Variants in ZBTB7C observed in about 807,000 individuals in gnomAD.
ZBTB7C encodes the protein zinc finger and BTB domain containing 7C, also known as zinc finger and BTB domain-containing protein 7C.
ZBTB7C carries 8 observed loss-of-function variants against 25.7 expected under a neutral mutation model. That is an observed-to-expected ratio of 0.31 (90% CI 0.18 to 0.56). The LOEUF (loss-of-function observed/expected upper bound fraction) is 0.56. ZBTB7C is among the 20% of genes least tolerant of loss of function. ZBTB7C has a pLI of 0.91. For synonymous variants in ZBTB7C, 394 were observed against 369.0 expected, an observed-to-expected ratio of 1.07 and a Z score of -0.78; for missense variants, 824 against 855.2, an observed-to-expected ratio of 0.96 and a Z score of 0.46.
intron 3 of ZBTB7C, among the ~76,000 whole-genome samples, chr18:48,059,611 C>T (rs567583773): frequency 3.1e-4 from 47 of 152,330 alleles, no homozygotes; most frequent in Non-Finnish European, 6.5e-4. Context: ...TCTTACTACA[C>T]TGACTGCTAC....
intron 3 of ZBTB7C, among the ~76,000 whole-genome samples, chr18:48,159,623 G>A (rs2040940170): frequency 6.6e-6 from 1 of 152,184 alleles, no homozygotes; most frequent in Non-Finnish European, 1.5e-5. Context: ...TCAAATCAGT[G>A]AGGTTCCTGA....
chr18:48,249,500 A>T (rs868257535), intron 2 of ZBTB7C, among the ~76,000 whole-genome samples: 2 of 152,256 alleles, frequency 1.3e-5, no homozygotes, highest in South Asian at 4.1e-4. Flanking sequence ...GGCAGAATAC[A>T]AAATAGTAGG....
chr18:48,066,703 A>G (rs2037342378), intron 3 of ZBTB7C, among the ~76,000 whole-genome samples: 3 of 152,202 alleles, frequency 2.0e-5, no homozygotes, highest in Non-Finnish European at 1.5e-5. Flanking sequence ...AATGCTGGGC[A>G]TGTTCACAAG....
At chr18:48,319,180 G>A (rs1413047328) in intron 2 of ZBTB7C, among the ~76,000 whole-genome samples, 1 of 151,164 alleles carries the variant, frequency 6.6e-6, no homozygotes, top group Non-Finnish European at 1.5e-5. Context: ...GCTTCCTCTG[G>A]GGCTGGTGGT....
intron 1 of ZBTB7C, among the ~76,000 whole-genome samples, chr18:48,358,285 G>A (rs1366784462): frequency 6.6e-6 from 1 of 152,182 alleles, no homozygotes; most frequent in Non-Finnish European, 1.5e-5. Flanking sequence ...CTGGGAGGTG[G>A]AGGTTGCAAT....
intron 2 of ZBTB7C, among the ~76,000 whole-genome samples, chr18:48,276,423 T>C (rs1313466570): frequency 2.0e-5 from 3 of 146,450 alleles, no homozygotes; most frequent in Non-Finnish European, 4.5e-5. Context: ...TAGCATTAGG[T>C]ATATCTCCCA....
chr18:48,113,291 C>G (rs1053706292), intron 3 of ZBTB7C, among the ~76,000 whole-genome samples: 1 of 152,212 alleles, frequency 6.6e-6, no homozygotes, highest in African/African-American at 2.4e-5. Context: ...CCTGGTCTGT[C>G]TTTCTTGTAT....
chr18:48,242,781 A>G (rs1035997832), intron 2 of ZBTB7C, among the ~76,000 whole-genome samples: 1 of 152,168 alleles, frequency 6.6e-6, no homozygotes, highest in Non-Finnish European at 1.5e-5. Context: ...TTCCCTGAGA[A>G]CTGGAACAAG....
intron 2 of ZBTB7C, among the ~76,000 whole-genome samples, chr18:48,301,212 G>C (rs1269045150): frequency 2.0e-5 from 3 of 152,302 alleles, no homozygotes; most frequent in Non-Finnish European, 2.9e-5. Flanking sequence ...GAGTAAAAAG[G>C]CATGGTCTGT....
chr18:48,196,541 G>A (rs2042322712), intron 2 of ZBTB7C, among the ~76,000 whole-genome samples: 1 of 152,130 alleles, frequency 6.6e-6, no homozygotes, highest in African/African-American at 2.4e-5. Flanking sequence ...CCACCCTCCT[G>A]AGGCTAGGTT....
intron 2 of ZBTB7C, among the ~76,000 whole-genome samples, chr18:48,336,297 TCCCAG>T (rs2046456204): frequency 6.6e-6 from 1 of 152,214 alleles, no homozygotes; most frequent in South Asian, 2.1e-4. Flanking sequence ...AAGGCACTTC[TCCCAG>T]CCTTCCTGGC....
chr18:48,279,450 T>G (rs2044766597), intron 2 of ZBTB7C, among the ~76,000 whole-genome samples: 1 of 152,186 alleles, frequency 6.6e-6, no homozygotes, highest in Admixed American at 6.5e-5. Context: ...GCAGATCCAG[T>G]AAGATGTGGC....
At chr18:48,066,010 A>G (rs1346776855) in intron 3 of ZBTB7C, among the ~76,000 whole-genome samples, 1 of 152,104 alleles carries the variant, frequency 6.6e-6, no homozygotes, top group Admixed American at 6.5e-5. Flanking sequence ...TAGGCAATGC[A>G]TGGAAGCTTC....
chr18:48,240,252 A>G (rs2043488391), intron 2 of ZBTB7C, among the ~76,000 whole-genome samples: 1 of 152,130 alleles, frequency 6.6e-6, no homozygotes, highest in African/African-American at 2.4e-5. Context: ...TTCCTGAGGA[A>G]GAAGAGAAAT....
At chr18:48,276,669 A>G (rs1433779091) in intron 2 of ZBTB7C, among the ~76,000 whole-genome samples, 1 of 74,504 alleles carries the variant, frequency 1.3e-5, no homozygotes, top group Non-Finnish European at 2.7e-5. Context: ...CATGGTGTAT[A>G]TGTGCCACAT....
At chr18:48,213,871 G>C (rs1227008746) in intron 2 of ZBTB7C, among the ~76,000 whole-genome samples, 1 of 152,208 alleles carries the variant, frequency 6.6e-6, no homozygotes, top group Non-Finnish European at 1.5e-5. Context: ...ATGTGAGGTG[G>C]TTCCATGGAG....
chr18:48,196,962 C>A (rs1436872228), intron 2 of ZBTB7C, among the ~76,000 whole-genome samples: 1 of 152,342 alleles, frequency 6.6e-6, no homozygotes, highest in Middle Eastern at 3.4e-3. Flanking sequence ...ACCTGGCCCC[C>A]ACAACCAATG....
chr18:48,332,768 G>C (rs892500082), intron 2 of ZBTB7C, among the ~76,000 whole-genome samples: 12 of 144,824 alleles, frequency 8.3e-5, no homozygotes, highest in African/African-American at 3.1e-4. Flanking sequence ...GCCCCTACCA[G>C]TGACTCCATG....
intron 1 of ZBTB7C, among the ~76,000 whole-genome samples, chr18:48,394,087 T>C (rs2047964299): frequency 6.6e-6 from 1 of 152,126 alleles, no homozygotes; most frequent in Non-Finnish European, 1.5e-5. Context: ...GTTCAGCTAT[T>C]TAATTCTCCC....
Sources: allele counts gnomAD v4.1 joint callset (sites outside exome capture counted in the v4.1 genomes callset), GRCh38; gene constraint gnomAD v4.1.1; transcripts MANE v1.5; gene names NCBI Gene and HGNC (gene_info 2026-07-23, HGNC 2026-07-21).